KIAA1549: variants seen among roughly 807,000 people sequenced by gnomAD.
The protein encoded by KIAA1549 is KIAA1549.
Under a neutral mutation model 156.4 loss-of-function variants are expected in KIAA1549, and 70 were observed. The ratio of observed to expected loss-of-function variants is 0.45; its 90% CI spans 0.37 to 0.55. The LOEUF (loss-of-function observed/expected upper bound fraction) is 0.55, where lower values mean the gene tolerates loss of function less well. Among genes scored for constraint, KIAA1549 ranks in the 20% least tolerant of loss-of-function variants. The pLI is 0.00. For missense variants in KIAA1549, 2,428 were observed against 2,540.9 expected (o/e 0.96, Z 0.96); for synonymous variants, 1,103 against 1,066.4 (o/e 1.03, Z -0.67).
chr7:138,873,728 C>T (rs1811000858), intron 12 of KIAA1549, among the ~76,000 whole-genome samples: 2 of 151,850 alleles, frequency 1.3e-5, no homozygotes, highest in South Asian at 4.2e-4. Flanking sequence ...TAGTCACGGC[C>T]CTTGCTTCAC....
intron 9 of KIAA1549, among the ~76,000 whole-genome samples, 188 bp downstream of exon 9, chr7:138,898,767 G>A (rs1218785500): frequency 2.0e-5 from 3 of 152,162 alleles, no homozygotes; most frequent in African/African-American, 7.2e-5. Flanking sequence ...CAGCAGTGGA[G>A]GCTAAACCTA....
intron 1 of KIAA1549, among the ~76,000 whole-genome samples, chr7:138,972,713 A>C (rs2130574489): frequency 6.6e-6 from 1 of 151,530 alleles, no homozygotes; most frequent in South Asian, 2.1e-4. Context: ...CTTCTTCCTA[A>C]CTCTTCTTAG....
chr7:138,844,381 G>A lies in KIAA1549; in HGVS notation c.5388C>T (p.Ala1796=). 2 of 1,612,178 alleles carry A rather than the reference G, an allele frequency of 1.2e-6. No individual in the cohort carries two copies. Among genetic ancestry groups the A allele is most frequent in the Non-Finnish European group, 1.7e-6 (2 of 1,178,962 alleles). Reference sequence around the variant, plus strand: ...GCATCTCCTCCGAGTAGATCCCTCTGGCAGCAAATGGGGCTTCGGCGGAGG... The same window carrying A: ...GCATCTCCTCCGAGTAGATCCCTCTAGCAGCAAATGGGGCTTCGGCGGAGG... ...PQASAEAPFA[A]RGIYSEEMPS... The change falls in exon 18 of 20, where the codon GCC becomes GCT. Residue 1796 remains alanine (A), a synonymous_variant. Transcript: ENST00000422774.
chr7:138,847,793 T>C (rs1810122258), intron 17 of KIAA1549, among the ~76,000 whole-genome samples: 1 of 152,240 alleles, frequency 6.6e-6, no homozygotes, highest in Admixed American at 6.5e-5. Context: ...ATTACTGGGA[T>C]TCTGAATGGG....
At chr7:138,932,444 TAGG>T (rs1174464352) in intron 1 of KIAA1549, among the ~76,000 whole-genome samples, 2 of 152,114 alleles carry the variant, frequency 1.3e-5, no homozygotes, top group East Asian at 3.8e-4. Flanking sequence ...CAGAGAAATG[TAGG>T]AGACCAGACC....
chr7:138,833,503 T>C lies in KIAA1549; in HGVS notation c.*4403A>G, dbSNP rs992125379. ...AGCCTTTAGCGCCTACCTTCACCCGTGCTTTGCCTCACAGTCCGCATGCCA... is the reference window on the plus strand; with the variant it reads ...AGCCTTTAGCGCCTACCTTCACCCGCGCTTTGCCTCACAGTCCGCATGCCA... On this transcript the variant is annotated 3_prime_UTR_variant, in exon 20 of 20. Coordinates refer to ENST00000422774, the MANE Select transcript of KIAA1549 (RefSeq NM_001164665.2). 3.0e-5 allele frequency: 7 copies of C among 232,458 alleles called. No homozygotes were observed. Among genetic ancestry groups the C allele is most frequent in the African/African-American group, 1.5e-4 (7 of 45,296 alleles). The allele number at this position is 232,458 out of a possible 1,614,324, so 14.4% of individuals were successfully genotyped here. A position where few individuals can be genotyped will look rare whatever the true frequency, so the allele number is the denominator to read the frequency against.
At chr7:138,895,085 A>T (rs1370983871) in intron 9 of KIAA1549, among the ~76,000 whole-genome samples, 1 of 152,210 alleles carries the variant, frequency 6.6e-6, no homozygotes, top group Non-Finnish European at 1.5e-5. Flanking sequence ...CATGTTCACA[A>T]ATGTTTATTA....
chr7:138,833,896 CCTTCT>C lies in KIAA1549; in HGVS notation c.*4005_*4009del, dbSNP rs368140628. ...CAAAAGCATCCTTCCAGCACCTCTTCCTTCTCTTCTGAAACTCCCTCAATAGTGCA... is the reference window on the plus strand; with the variant it reads ...CAAAAGCATCCTTCCAGCACCTCTTCCTTCTGAAACTCCCTCAATAGTGCA... On this transcript the variant is annotated 3_prime_UTR_variant, in exon 20 of 20. Transcript: ENST00000422774. 65 of 232,584 alleles carry C rather than the reference CCTTCT, an allele frequency of 2.8e-4. No homozygotes were observed. The highest frequency in any genetic ancestry group is 1.3e-3 in the African/African-American group (60 of 45,418). The allele number at this position is 232,584 out of a possible 1,614,324, so 14.4% of individuals were successfully genotyped here.
chr7:138,841,077 G>A (rs925983056), intron 18 of KIAA1549, among the ~76,000 whole-genome samples: 1 of 151,992 alleles, frequency 6.6e-6, no homozygotes, highest in Admixed American at 6.5e-5. Context: ...GGGGATAAAC[G>A]GTACCACAGA....
chr7:138,970,449 T>C (rs1005982857), intron 1 of KIAA1549, among the ~76,000 whole-genome samples: 1 of 152,232 alleles, frequency 6.6e-6, no homozygotes, highest in African/African-American at 2.4e-5. Flanking sequence ...TTTTGCCCGA[T>C]GGCTTGAGAT....
intron 1 of KIAA1549, among the ~76,000 whole-genome samples, chr7:138,931,420 T>C (rs1253916559): frequency 2.0e-5 from 3 of 152,210 alleles, no homozygotes; most frequent in Admixed American, 6.5e-5. Flanking sequence ...TCATGACTTG[T>C]TGTTTGATAT....
At chr7:138,905,566 T>C (rs533356958) in intron 6 of KIAA1549, among the ~76,000 whole-genome samples, 5 of 152,274 alleles carry the variant, frequency 3.3e-5, no homozygotes, top group African/African-American at 7.2e-5. Flanking sequence ...TACTTTCATA[T>C]AGAATAACTT....
At chr7:138,922,434 A>AT (rs1812590977) in intron 1 of KIAA1549, among the ~76,000 whole-genome samples, 1 of 152,168 alleles carries the variant, frequency 6.6e-6, no homozygotes, top group African/African-American at 2.4e-5. Context: ...TGAAGAAAGT[A>AT]TTTTTTTAAA....
chr7:138,851,591 G>C (rs896670147), intron 17 of KIAA1549, among the ~76,000 whole-genome samples: 1 of 151,528 alleles, frequency 6.6e-6, no homozygotes. Flanking sequence ...TGGAAGGGGG[G>C]CTACTGTAGC....
chr7:138,869,018 T>C (rs1340945215), intron 14 of KIAA1549, among the ~76,000 whole-genome samples: 1 of 152,206 alleles, frequency 6.6e-6, no homozygotes, highest in Non-Finnish European at 1.5e-5. Flanking sequence ...AACGCATCTA[T>C]GTCGGGGACG....
intron 1 of KIAA1549, among the ~76,000 whole-genome samples, chr7:138,962,499 C>T (rs887220868): frequency 5.3e-5 from 8 of 152,264 alleles, no homozygotes; most frequent in Admixed American, 6.5e-5. Context: ...TTAAGAGGGC[C>T]GCTAGCTCCT....
intron 17 of KIAA1549, among the ~76,000 whole-genome samples, chr7:138,846,653 T>C (rs1810085050): frequency 6.6e-6 from 1 of 151,924 alleles, no homozygotes; most frequent in South Asian, 2.1e-4. Context: ...AGTAATATTA[T>C]GAAAGTTGTT....
Position 138,871,240 on chromosome 7 carries a change from C to A in KIAA1549, c.4468G>T (p.Ala1490Ser), listed in dbSNP as rs772969704. The A allele has an allele frequency of 8.7e-6, 14 of 1,612,894 alleles. No homozygotes were observed. In the East Asian group the frequency reaches 2.0e-4, roughly 23 times the overall value. ...RRVPSKIQLI[A>S]MQPIPAPPVQ... ...GGAGGTGCCGGGATCGGCTGCATGG[C>A]GATAAGCTGGATCTTACTGGGGACC... Residue 1490 changes from alanine to serine, a missense_variant, in exon 13 of 20, where the codon GCC becomes TCC. By Grantham distance (99) the Ala-to-Ser change is moderately conservative (BLOSUM62 1). This residue lies in a region of KIAA1549 where 404 missense variants were observed against 417.0 expected (regional missense o/e 0.97). Coordinates refer to ENST00000422774, the MANE Select transcript of KIAA1549 (RefSeq NM_001164665.2).
At chr7:138,921,763 G>A (rs1391362135) in intron 1 of KIAA1549, among the ~76,000 whole-genome samples, 1 of 152,126 alleles carries the variant, frequency 6.6e-6, no homozygotes, top group African/African-American at 2.4e-5. Flanking sequence ...TACTCAGGAG[G>A]CTGAGGCAGG....
Sources: gnomAD v4.1 joint callset for allele counts (sites outside exome capture counted in the v4.1 genomes callset) on GRCh38, gnomAD v4.1.1 for gene constraint, gnomAD v4.1.1 regional missense constraint, MANE v1.5 for transcripts, NCBI Gene and HGNC (gene_info 2026-07-23, HGNC 2026-07-21) for gene names.